FAM184A: variants seen among roughly 807,000 people sequenced by gnomAD.
FAM184A encodes protein FAM184A.
FAM184A carries 99 observed loss-of-function variants against 143.8 expected under a neutral mutation model. The observed-to-expected ratio is 0.69, with a 90% CI of 0.58 to 0.81. The LOEUF is 0.81. Among genes scored for constraint, FAM184A ranks in the 40% least tolerant of loss-of-function variants. The probability of loss-of-function intolerance (pLI) is 0.00; values close to 1 mark genes in which losing one functional copy is unlikely to be tolerated. For synonymous variants in FAM184A, 427 were observed against 446.4 expected, an observed-to-expected ratio of 0.96 and a Z score of 0.55; for missense variants, 1,217 against 1,310.5, an observed-to-expected ratio of 0.93 and a Z score of 1.10.
chr6:119,060,540 G>A (rs574854477), intron 1 of FAM184A, among the ~76,000 whole-genome samples: 22 of 152,316 alleles, frequency 1.4e-4, no homozygotes, highest in Admixed American at 1.4e-3. Flanking sequence ...AGGGAGAAGT[G>A]AAAGTTTAAG....
intron 1 of FAM184A, among the ~76,000 whole-genome samples, chr6:119,086,613 T>G (rs1174130063): frequency 6.6e-6 from 1 of 152,122 alleles, no homozygotes; most frequent in Non-Finnish European, 1.5e-5. Context: ...GAGCACAGTT[T>G]GAGAGGGATG....
intron 9 of FAM184A, among the ~76,000 whole-genome samples, chr6:118,986,021 C>T (rs1784182016): frequency 6.6e-6 from 1 of 152,110 alleles, no homozygotes; most frequent in South Asian, 2.1e-4. Flanking sequence ...TGGCCTGGCG[C>T]GGTGGCTCAT....
chr6:118,974,369 AAC>A, intron 14 of FAM184A, 57 bp downstream of exon 14: 1 of 1,491,160 alleles, frequency 6.7e-7, no homozygotes, highest in African/African-American at 1.4e-5. Flanking sequence ...TCTGAGGTTA[AAC>A]ACAGTGCTCC....
At chr6:119,018,230 AAGAC>A (rs1785330900) in intron 4 of FAM184A, among the ~76,000 whole-genome samples, 1 of 152,282 alleles carries the variant, frequency 6.6e-6, no homozygotes, top group Admixed American at 6.5e-5. Context: ...GAGAGAGACA[AAGAC>A]AGAGACAGAG....
intron 9 of FAM184A, among the ~76,000 whole-genome samples, chr6:118,990,790 C>T (rs1784354662): frequency 6.6e-6 from 1 of 151,678 alleles, no homozygotes; most frequent in Non-Finnish European, 1.5e-5. Flanking sequence ...ACTCGGGAGG[C>T]TGAGGCAAAA....
At chr6:119,123,643 T>G (rs960183871) in intron 1 of FAM184A, among the ~76,000 whole-genome samples, 1 of 152,204 alleles carries the variant, frequency 6.6e-6, no homozygotes, top group Non-Finnish European at 1.5e-5. Flanking sequence ...CCGAGAACTC[T>G]GTTTTCAACG....
At chr6:119,032,274 CA>C (rs1196177096) in intron 1 of FAM184A, among the ~76,000 whole-genome samples, 75 of 126,708 alleles carry the variant, frequency 5.9e-4, no homozygotes, top group Admixed American at 5.5e-4. Context: ...TGTCTCAAAA[CA>C]AAAAAAAAAA....
At chr6:118,986,660 A>T (rs1461668823) in intron 9 of FAM184A, among the ~76,000 whole-genome samples, 1 of 152,202 alleles carries the variant, frequency 6.6e-6, no homozygotes, top group Non-Finnish European at 1.5e-5. Flanking sequence ...TTAATAGGCA[A>T]TTTCAATAAG....
At chr6:118,987,792 A>T (rs892045957) in intron 9 of FAM184A, among the ~76,000 whole-genome samples, 2 of 152,206 alleles carry the variant, frequency 1.3e-5, no homozygotes, top group Non-Finnish European at 2.9e-5. Context: ...AAATATTACT[A>T]TATCTTTCAA....
chr6:119,031,003 AC>A (rs1785850393), intron 1 of FAM184A, among the ~76,000 whole-genome samples: 1 of 152,148 alleles, frequency 6.6e-6, no homozygotes, highest in Non-Finnish European at 1.5e-5. Flanking sequence ...AGTAATTTTT[AC>A]TTTTCCTATA....
At chr6:119,139,188 G>A (rs1196937884) in intron 1 of FAM184A, among the ~76,000 whole-genome samples, 1 of 152,172 alleles carries the variant, frequency 6.6e-6, no homozygotes. Context: ...GTTCTCAGTG[G>A]ATAACTAAGC....
chr6:118,968,870 T>C (rs1383589728), intron 14 of FAM184A, among the ~76,000 whole-genome samples: 1 of 152,198 alleles, frequency 6.6e-6, no homozygotes. Flanking sequence ...AATTGCAGTG[T>C]TTTTATTTAG....
intron 1 of FAM184A, among the ~76,000 whole-genome samples, chr6:119,025,155 A>G (rs1189955421): frequency 4.6e-5 from 7 of 152,216 alleles, no homozygotes; most frequent in Non-Finnish European, 4.4e-5. Flanking sequence ...CATATGTCCC[A>G]ATCTAGCTTA....
chr6:118,965,073 A>C (rs933919914), intron 15 of FAM184A, among the ~76,000 whole-genome samples: 4 of 152,228 alleles, frequency 2.6e-5, no homozygotes, highest in Admixed American at 2.6e-4. Context: ...GCAGGTTTAC[A>C]ACTTACATTC....
At chr6:119,142,173 G>A (rs1190231595) in intron 1 of FAM184A, among the ~76,000 whole-genome samples, 1 of 152,100 alleles carries the variant, frequency 6.6e-6, no homozygotes, top group Non-Finnish European at 1.5e-5. Context: ...TGCAGGACTC[G>A]GGCGAACATC....
rs936115930 is a variant in FAM184A at position 119,059,152 on chromosome 6, A to T, written c.159+18989T>A. Among the ~76,000 whole-genome samples, 6 of 151,876 alleles carry T rather than the reference A, an allele frequency of 4.0e-5. No homozygotes were observed. The East Asian group carries it at 1.2e-3, about 29-fold the overall frequency. On this transcript the variant is annotated intron_variant, in intron 1 of 17. Transcript: ENST00000338891. ...GCCACCACACTCAGATAATTTTTTA[A>T]TTTTTTGTAGAGATGAGGTCTCACA...
chr6:119,131,765 G>A (rs1245081406), intron 1 of FAM184A, among the ~76,000 whole-genome samples: 1 of 151,306 alleles, frequency 6.6e-6, no homozygotes, highest in African/African-American at 2.4e-5. Flanking sequence ...TTACAGGCAT[G>A]AGCCACTGTG....
chr6:119,028,058 G>A (rs1305221176), intron 1 of FAM184A, among the ~76,000 whole-genome samples: 1 of 152,042 alleles, frequency 6.6e-6, no homozygotes, highest in Non-Finnish European at 1.5e-5. Flanking sequence ...TTATGATTTT[G>A]CCTGTAGCTT....
At chr6:119,095,583 G>A (rs1319582268) in intron 1 of FAM184A, among the ~76,000 whole-genome samples, 2 of 151,980 alleles carry the variant, frequency 1.3e-5, no homozygotes, top group African/African-American at 4.8e-5. Flanking sequence ...TTATTTTAGA[G>A]GTAGGTACTC....
Sources: allele counts gnomAD v4.1 joint callset (sites outside exome capture counted in the v4.1 genomes callset), GRCh38; gene constraint gnomAD v4.1.1; transcripts MANE v1.5; gene names NCBI Gene and HGNC (gene_info 2026-07-23, HGNC 2026-07-21).